Variants in CDKN2B-AS1 observed in about 807,000 individuals in gnomAD.
CDKN2B-AS1 encodes CDKN2B antisense RNA 1 (non-protein coding).
intron 1 of CDKN2B-AS1, among the ~76,000 whole-genome samples, chr9:22,042,379 A>G (rs1822933517): frequency 6.6e-6 from 1 of 152,136 alleles, no homozygotes; most frequent in Non-Finnish European, 1.5e-5. Context: ...AAATATTACA[A>G]TTCACAGAGC....
intron 1 of CDKN2B-AS1, among the ~76,000 whole-genome samples, chr9:22,017,766 A>G (rs1821835355): frequency 6.6e-6 from 1 of 150,912 alleles, no homozygotes; most frequent in African/African-American, 2.5e-5. Context: ...TTTAAAAACA[A>G]AGGAACCTTT....
chr9:22,102,456 C>T (rs779111902), intron 4 of CDKN2B-AS1, among the ~76,000 whole-genome samples: 2 of 152,104 alleles, frequency 1.3e-5, no homozygotes, highest in Non-Finnish European at 2.9e-5. Flanking sequence ...ATCAAGACTT[C>T]TGATTTTAGT....
intron 4 of CDKN2B-AS1, among the ~76,000 whole-genome samples, chr9:22,076,993 A>G (rs1824520224): frequency 6.6e-6 from 1 of 152,126 alleles, no homozygotes. Flanking sequence ...CCTACAATGC[A>G]CTAATATTAA....
At chr9:22,013,993 A>G (rs1376245763) in intron 1 of CDKN2B-AS1, among the ~76,000 whole-genome samples, 1 of 152,092 alleles carries the variant, frequency 6.6e-6, no homozygotes, top group Non-Finnish European at 1.5e-5. Flanking sequence ...AATAAGTGGG[A>G]TTACGTACTT....
chr9:22,008,574 A>G lies in CDKN2B-AS1; in HGVS notation n.29+13413A>G, dbSNP rs1587387029. 2.4e-6 allele frequency: 3 copies of G among 1,274,772 alleles called. No individual in the cohort carries two copies. The African/African-American group carries it at 4.5e-5, about 19-fold the overall frequency. The allele number at this position is 1,274,772 out of a possible 1,614,324, so 79.0% of individuals were successfully genotyped here. A position where few individuals can be genotyped will look rare whatever the true frequency, so the allele number is the denominator to read the frequency against. On this transcript the variant is annotated intron_variant and non_coding_transcript_variant, in intron 1 of 4. Transcript: ENST00000650946. ...CTTGCATCTCTGATCATGAGATGGC[A>G]GAACAAAAACCACTAAAAAAAGCTT...
chr9:22,058,535 A>G (rs1823671414), intron 4 of CDKN2B-AS1: 1 of 152,242 alleles, frequency 6.6e-6, no homozygotes, highest in Admixed American at 6.5e-5. Flanking sequence ...CTATCATATA[A>G]GCCCAAATGT....
intron 4 of CDKN2B-AS1, among the ~76,000 whole-genome samples, chr9:22,083,015 G>A (rs1824749761): frequency 6.6e-6 from 1 of 152,066 alleles, no homozygotes; most frequent in South Asian, 2.1e-4. Flanking sequence ...GCAGGAAGAG[G>A]ACATGTAACA....
chr9:22,101,587 T>C (rs778093027), intron 4 of CDKN2B-AS1, among the ~76,000 whole-genome samples: 3 of 152,110 alleles, frequency 2.0e-5, no homozygotes, highest in Non-Finnish European at 2.9e-5. Flanking sequence ...TTTTCAGCTT[T>C]CTCTGGTGAA....
At chr9:22,090,289 C>T (rs1029867188) in intron 4 of CDKN2B-AS1, among the ~76,000 whole-genome samples, 5 of 152,050 alleles carry the variant, frequency 3.3e-5, no homozygotes, top group East Asian at 3.9e-4. Context: ...AATAAACATA[C>T]GTGTGCATGT....
chr9:21,998,975 T>C, intron 1 of CDKN2B-AS1, among the ~76,000 whole-genome samples: 1 of 151,890 alleles, frequency 6.6e-6, no homozygotes, highest in African/African-American at 2.4e-5. Context: ...AACAATCCAA[T>C]AAAAAAGGCA....
chr9:22,081,275 CTT>C (rs36049201), intron 4 of CDKN2B-AS1, among the ~76,000 whole-genome samples: 6,465 of 124,514 alleles, frequency 0.052, 337 homozygotes, highest in African/African-American at 0.15. Context: ...TGTTCTTTAG[CTT>C]TTTTTTTTTT....
At chr9:22,004,475 G>A (rs1380042367) in intron 1 of CDKN2B-AS1, 1 of 232,486 alleles carries the variant, frequency 4.3e-6, no homozygotes, top group Non-Finnish European at 8.5e-6. Flanking sequence ...ATTGAGAGAA[G>A]GGAACCCCTG....
At chr9:22,053,198 C>T (rs547313774) in intron 3 of CDKN2B-AS1, among the ~76,000 whole-genome samples, 24 of 152,238 alleles carry the variant, frequency 1.6e-4, no homozygotes, top group East Asian at 5.8e-4. Flanking sequence ...TAATATGGGA[C>T]GGAGCTGGAG....
In CDKN2B-AS1 at chr9:22,001,786, A is replaced by G. The variant is rs1396199583; in HGVS notation, n.29+6625A>G. Among the ~76,000 whole-genome samples, 1 of 152,098 alleles carries G rather than the reference A, an allele frequency of 6.6e-6. No homozygotes were observed. Among genetic ancestry groups the G allele is most frequent in the African/African-American group, 2.4e-5 (1 of 41,430 alleles). On this transcript the variant is annotated intron_variant and non_coding_transcript_variant, in intron 1 of 4. Transcript: ENST00000650946. This position sits in a 1 kb window ranked among gnomAD's most constrained non-coding sequence, Gnocchi z 4.2. ...CTGAAATTGAGAAACGTTTTATAGA[A>G]ACTTTTCAGGTATGAAGGATAGTAG...
chr9:22,056,262 G>C (rs1823569968), exon 4 of CDKN2B-AS1: 1 of 138,864 alleles, frequency 7.2e-6, no homozygotes, highest in South Asian at 2.3e-4. Context: ...TAGAGACGGG[G>C]TTTCACCATG....
chr9:22,074,007 G>A (rs1446410620), intron 4 of CDKN2B-AS1, among the ~76,000 whole-genome samples: 2 of 151,968 alleles, frequency 1.3e-5, no homozygotes, highest in East Asian at 1.9e-4. Flanking sequence ...TGGACTACAG[G>A]TGTGTGCCAC....
intron 4 of CDKN2B-AS1, among the ~76,000 whole-genome samples, chr9:22,060,867 GACTT>G (rs1388048778): frequency 6.6e-6 from 1 of 152,138 alleles, no homozygotes; most frequent in African/African-American, 2.4e-5. Context: ...GATCTCGTGA[GACTT>G]ACTTCACTAT....
At chr9:22,026,635 G>T (rs76900110) in intron 1 of CDKN2B-AS1, among the ~76,000 whole-genome samples, 527 of 152,294 alleles carry the variant, frequency 3.5e-3, no homozygotes, top group Middle Eastern at 6.8e-3. Flanking sequence ...TGCTGATCTC[G>T]CTGGATTCAG....
rs560722029 is a variant in CDKN2B-AS1, at chr9:22,072,164, C to T, written n.438+15777C>T. Among the ~76,000 whole-genome samples the T allele has an allele frequency of 2.0e-5, 3 of 152,186 alleles. No individual in the cohort carries two copies. In the East Asian group the frequency reaches 5.8e-4, roughly 29 times the overall value. ...GTACCATCACTGTGGGTAACTTGGGCCCATTTAGAGTACTTGCCTCTGAGG... is the reference window on the plus strand; with the variant it reads ...GTACCATCACTGTGGGTAACTTGGGTCCATTTAGAGTACTTGCCTCTGAGG... On this transcript the variant is annotated intron_variant and non_coding_transcript_variant, in intron 4 of 4. Coordinates refer to ENST00000650946, the Ensembl canonical transcript of CDKN2B-AS1.
Sources: gnomAD v4.1 joint callset for allele counts (sites outside exome capture counted in the v4.1 genomes callset) on GRCh38, gnomAD v4.1.1 for gene constraint, Gnocchi (gnomAD v3.1) non-coding constraint, MANE v1.5 for transcripts, NCBI Gene and HGNC (gene_info 2026-07-23, HGNC 2026-07-21) for gene names.